Variants in USP8 observed in about 807,000 individuals in gnomAD.
USP8 encodes ubiquitin specific peptidase 8.
Under a neutral mutation model 130.0 loss-of-function variants are expected in USP8, and 27 were observed. The observed-to-expected ratio is 0.21, with a 90% CI of 0.15 to 0.29. USP8 has a LOEUF of 0.29. Ranked by LOEUF, USP8 falls within the 10% of genes least tolerant of loss-of-function variation. The pLI is 1.00. For missense variants in USP8, 1,029 were observed against 1,312.2 expected (o/e 0.78, Z 3.33); for synonymous variants, 392 against 444.1 (o/e 0.88, Z 1.48).
intron 10 of USP8, among the ~76,000 whole-genome samples, chr15:50,481,230 T>C (rs1752099280): frequency 6.6e-6 from 1 of 152,174 alleles, no homozygotes; most frequent in African/African-American, 2.4e-5. Context: ...TTTTAACTCT[T>C]TTGTATACAA....
chr15:50,501,814 A>G lies in USP8; in HGVS notation c.*2726A>G, dbSNP rs1024254418. ...GCTGTTTTTGTAAGACCCATGCATTAGCAACGGGTTTTAAATTTTTATATG... is the reference window on the plus strand; with the variant it reads ...GCTGTTTTTGTAAGACCCATGCATTGGCAACGGGTTTTAAATTTTTATATG... On this transcript the variant is annotated 3_prime_UTR_variant, in exon 20 of 20. Transcript: ENST00000307179. 5 of 152,202 alleles carry G rather than the reference A, an allele frequency of 3.3e-5. No individual in the cohort carries two copies. Among genetic ancestry groups the G allele is most frequent in the Non-Finnish European group, 7.3e-5 (5 of 68,044 alleles). 9.4% of individuals were successfully genotyped at this position (152,202 alleles called of 1,614,324 possible).
chr15:50,483,727 G>A (rs914826098), intron 11 of USP8, among the ~76,000 whole-genome samples: 2 of 151,944 alleles, frequency 1.3e-5, no homozygotes, highest in Non-Finnish European at 2.9e-5. Context: ...CCATGAGGCA[G>A]AGGTTGCAGT....
chr15:50,499,397 TTC>T lies in USP8; in HGVS notation c.*310_*311del, dbSNP rs2052532993. 1 of 201,656 alleles carries T rather than the reference TTC, an allele frequency of 5.0e-6. No individual in the cohort carries two copies. The highest frequency in any genetic ancestry group is 2.3e-5 in the African/African-American group (1 of 43,254). 12.5% of individuals were successfully genotyped at this position (201,656 alleles called of 1,614,324 possible). A position where few individuals can be genotyped will look rare whatever the true frequency, so the allele number is the denominator to read the frequency against. ...TAAAAACTATTGTTATCTTTTTTTT[TTC>T]CTTTTCACTGTTATGGCCTTTTCAC... On this transcript the variant is annotated 3_prime_UTR_variant, in exon 20 of 20. Coordinates refer to ENST00000307179, the MANE Select transcript of USP8 (RefSeq NM_005154.5).
chr15:50,489,076 C>T (rs1460790468), intron 12 of USP8, among the ~76,000 whole-genome samples: 4 of 151,932 alleles, frequency 2.6e-5, no homozygotes, highest in Admixed American at 6.6e-5. Flanking sequence ...GTTCATCAGG[C>T]GTTTTTGTTT....
intron 8 of USP8, among the ~76,000 whole-genome samples, chr15:50,475,361 C>T (rs984250590): frequency 6.6e-6 from 1 of 151,882 alleles, no homozygotes; most frequent in African/African-American, 2.4e-5. Context: ...TAAAGAAATG[C>T]TTATTAAAAC....
chr15:50,513,518 T>TAAAAAAAAAAAAAAAAAAAAAGAAA lies in USP8; in HGVS notation c.*14450_*14451insAGAAAAAAAAAAAAAAAAAAAAAAA, dbSNP rs35523535. 1 of 85,980 alleles carries TAAAAAAAAAAAAAAAAAAAAAGAAA rather than the reference T, an allele frequency of 1.2e-5. No homozygotes were observed. Among genetic ancestry groups the TAAAAAAAAAAAAAAAAAAAAAGAAA allele is most frequent in the Non-Finnish European group, 2.3e-5 (1 of 42,744 alleles). The allele number at this position is 85,980 out of a possible 1,614,324, so 5.3% of individuals were successfully genotyped here. A position where few individuals can be genotyped will look rare whatever the true frequency, so the allele number is the denominator to read the frequency against. Reference sequence around the variant, plus strand: ...AGTTCGAGACAAGAGCGAAACTGTCTAAAAAAAAAAAAAAAAAAAAGAGTG... The same window carrying TAAAAAAAAAAAAAAAAAAAAAGAAA: ...AGTTCGAGACAAGAGCGAAACTGTCTAAAAAAAAAAAAAAAAAAAAAGAAAAAAAAAAAAAAAAAAAAAAAGAGTG... On this transcript the variant is annotated 3_prime_UTR_variant, in exon 20 of 20. Coordinates refer to ENST00000307179, the MANE Select transcript of USP8 (RefSeq NM_005154.5).
rs993386884 is a variant in USP8 at position 50,501,729 on chromosome 15, A to T, written c.*2641A>T. 6.6e-6 allele frequency: 1 copy of T among 152,102 alleles called. No homozygotes were observed. Among genetic ancestry groups the T allele is most frequent in the African/African-American group, 2.4e-5 (1 of 41,416 alleles). The allele number at this position is 152,102 out of a possible 1,614,324, so 9.4% of individuals were successfully genotyped here. A position where few individuals can be genotyped will look rare whatever the true frequency, so the allele number is the denominator to read the frequency against. On this transcript the variant is annotated 3_prime_UTR_variant, in exon 20 of 20. Coordinates refer to ENST00000307179, the MANE Select transcript of USP8 (RefSeq NM_005154.5). ...AAAGGCATTAGAGAGGTGTACTTCC[A>T]AGGAGGTGTTATGGTGTATGATAAG...
Position 50,508,636 on chromosome 15 carries a change from A to G in USP8, c.*9548A>G, listed in dbSNP as rs1288249538. On this transcript the variant is annotated 3_prime_UTR_variant, in exon 20 of 20. Transcript: ENST00000307179. ...AACACTGTAAGAGGAATAACCCATA[A>G]AGCAGAAAACAAAGATGTAATACAG... 1 of 152,214 alleles carries G rather than the reference A, an allele frequency of 6.6e-6. No individual in the cohort carries two copies. The highest frequency in any genetic ancestry group is 6.5e-5 in the Admixed American group (1 of 15,278). The allele number at this position is 152,214 out of a possible 1,614,324, so 9.4% of individuals were successfully genotyped here. A position where few individuals can be genotyped will look rare whatever the true frequency, so the allele number is the denominator to read the frequency against.
In USP8 at chr15:50,499,528, T is replaced by C. The variant is rs931566876; in HGVS notation, c.*440T>C. On this transcript the variant is annotated 3_prime_UTR_variant, in exon 20 of 20. Transcript: ENST00000307179. Reference sequence around the variant, plus strand: ...ATTGCATACTTGCACATCAAATCGATGTACATAGTTTAACACGTGGTCCTT... The same window carrying C: ...ATTGCATACTTGCACATCAAATCGACGTACATAGTTTAACACGTGGTCCTT... The C allele has an allele frequency of 1.3e-5, 2 of 152,470 alleles. No homozygotes were observed. The highest frequency in any genetic ancestry group is 2.9e-5 in the Non-Finnish European group (2 of 68,238). 9.4% of individuals were successfully genotyped at this position (152,470 alleles called of 1,614,324 possible). A position where few individuals can be genotyped will look rare whatever the true frequency, so the allele number is the denominator to read the frequency against.
At chr15:50,487,810 T>C (rs989956842) in intron 12 of USP8, among the ~76,000 whole-genome samples, 1 of 152,218 alleles carries the variant, frequency 6.6e-6, no homozygotes, top group Non-Finnish European at 1.5e-5. Flanking sequence ...CTGTATTTGC[T>C]GAGCAACTAC....
intron 7 of USP8, among the ~76,000 whole-genome samples, chr15:50,469,981 A>C (rs2051324207): frequency 6.6e-6 from 1 of 152,006 alleles, no homozygotes; most frequent in Admixed American, 6.6e-5. Flanking sequence ...CCAGTCATGC[A>C]CCACCACTTC....
chr15:50,497,341 G>A lies in USP8; in HGVS notation c.3038+110G>A, dbSNP rs1349326487. 74 of 1,347,198 alleles carry A rather than the reference G, an allele frequency of 5.5e-5. 1 individual carries two copies. The highest frequency in any genetic ancestry group is 5.0e-4 in the South Asian group (31 of 61,522). The allele number at this position is 1,347,198 out of a possible 1,614,324, so 83.5% of individuals were successfully genotyped here. ...CTGCCATGGGCACATAACAAAGGGC[G>A]ATTATCTGGTTACAGTAGATCTAGG... On this transcript the variant is annotated intron_variant, in intron 18 of 19. Coordinates refer to ENST00000307179, the MANE Select transcript of USP8 (RefSeq NM_005154.5).
intron 1 of USP8, 75 bp from the exon 2 acceptor site, chr15:50,438,934 A>ATTT: frequency 3.9e-6 from 2 of 517,170 alleles, no homozygotes; most frequent in African/African-American, 2.0e-5. Flanking sequence ...TGGTTTAGGA[A>ATTT]TTTTTTTTTT....
At chr15:50,436,088 A>C (rs1219929375) in intron 1 of USP8, among the ~76,000 whole-genome samples, 1 of 151,996 alleles carries the variant, frequency 6.6e-6, no homozygotes, top group African/African-American at 2.4e-5. Flanking sequence ...TACTCTTCTT[A>C]GTTTTAATCA....
At chr15:50,486,844 T>TA (rs2051978125) in intron 12 of USP8, among the ~76,000 whole-genome samples, 1 of 152,024 alleles carries the variant, frequency 6.6e-6, no homozygotes, top group South Asian at 2.1e-4. Flanking sequence ...CTAAAGAACT[T>TA]ACTAATGGCC....
chr15:50,451,226 G>C (rs1362360177), intron 4 of USP8, among the ~76,000 whole-genome samples: 1 of 152,160 alleles, frequency 6.6e-6, no homozygotes, highest in East Asian at 1.9e-4. Flanking sequence ...TGGCCAACAT[G>C]GTAAAGCCCC....
At chr15:50,452,271 G>A (rs2050651790) in intron 4 of USP8, among the ~76,000 whole-genome samples, 1 of 152,158 alleles carries the variant, frequency 6.6e-6, no homozygotes, top group Non-Finnish European at 1.5e-5. Context: ...AGGTCTTAGA[G>A]GTAATTTTGA....
chr15:50,428,249 T>G (rs2049810277), intron 1 of USP8, among the ~76,000 whole-genome samples: 1 of 152,182 alleles, frequency 6.6e-6, no homozygotes, highest in Non-Finnish European at 1.5e-5. Flanking sequence ...CCCAAGTAGC[T>G]GGGATCACAG....
Position 50,492,930 on chromosome 15 carries a change from C to G in USP8, c.2447+17C>G. ...TATTAACAGGTAAATACATGTCATA[C>G]TTTTTGCATTATAATGCTAAAAGGA... On this transcript the variant is annotated intron_variant, in intron 15 of 19. Coordinates refer to ENST00000307179, the MANE Select transcript of USP8 (RefSeq NM_005154.5). 1.2e-6 allele frequency: 2 copies of G among 1,603,684 alleles called. No individual in the cohort carries two copies. The highest frequency in any genetic ancestry group is 1.1e-5 in the South Asian group (1 of 90,852).
Sources: gnomAD v4.1 joint callset for allele counts (sites outside exome capture counted in the v4.1 genomes callset) on GRCh38, gnomAD v4.1.1 for gene constraint, MANE v1.5 for transcripts, NCBI Gene and HGNC (gene_info 2026-07-23, HGNC 2026-07-21) for gene names.